Variants in POLRMT observed in about 807,000 individuals in gnomAD.
The protein encoded by POLRMT is DNA-directed RNA polymerase, mitochondrial.
Under a neutral mutation model 132.2 loss-of-function variants are expected in POLRMT, and 114 were observed. The ratio of observed to expected loss-of-function variants is 0.86; its 90% CI spans 0.74 to 1.01. POLRMT has a LOEUF of 1.01. Among genes scored for constraint, POLRMT ranks in the 50% least tolerant of loss-of-function variants. The probability of loss-of-function intolerance (pLI) is 0.00; values close to 1 mark genes in which losing one functional copy is unlikely to be tolerated. For synonymous variants in POLRMT, 1,020 were observed against 773.4 expected (o/e 1.32, Z -5.29); for missense variants, 2,003 against 1,729.1 (o/e 1.16, Z -2.81).
At chr19:625,627 ACTTG>A (rs976144079) in intron 3 of POLRMT, 1 of 181,362 alleles carries the variant, frequency 5.5e-6, no homozygotes, top group African/African-American at 2.4e-5. Flanking sequence ...CCTCTCATCT[ACTTG>A]CTTTAGGTTT....
At position 619,099 on chromosome 19, in the gene POLRMT, G is replaced by A. The variant is rs149476145; in HGVS notation, c.3165C>T (p.Thr1055=). 11,155 of 1,611,270 alleles carry A rather than the reference G, an allele frequency of 6.9e-3. 52 individuals are homozygous for A. The highest frequency in any genetic ancestry group is 8.2e-3 in the Non-Finnish European group (9,611 of 1,179,182). ...TGTGGGAGATGAGGCGGGCACTCTC[G>A]GTCAGCCAGTGCTGTGGGACACAGG... ...SGTRAIQHWL[T]ESARLISHMG... The change falls in exon 15 of 21, where the codon ACC becomes ACT. Residue 1055 remains threonine (T), a synonymous_variant. Coordinates refer to ENST00000588649, the MANE Select transcript of POLRMT (RefSeq NM_005035.4).
rs146930407 is a variant in POLRMT, at chr19:631,001, T to C, written c.194-833A>G. Among the ~76,000 whole-genome samples, 475 of 151,606 alleles carry C rather than the reference T, an allele frequency of 3.1e-3. 19 individuals are homozygous for C. The East Asian group carries it at 0.082, about 26-fold the overall frequency. ...GGTGAAACCCCGTCTCTATTAGAAA[T>C]CCAAAAAATTAGCTGGGCGTGGTGG... On this transcript the variant is annotated intron_variant, in intron 2 of 20. Transcript: ENST00000588649.
In POLRMT at chr19:621,422, C is replaced by T. The variant is rs61743194; in HGVS notation, c.2276G>A (p.Arg759His). 3.4e-5 allele frequency: 51 copies of T among 1,485,760 alleles called. No homozygotes were observed. In the African/African-American group the frequency reaches 6.0e-4, roughly 17 times the overall value. 92.0% of individuals were successfully genotyped at this position (1,485,760 alleles called of 1,614,324 possible). The change falls in exon 10 of 21, where the codon CGC (arginine) becomes CAC (histidine). Residue 759 changes from arginine (R) to histidine (H), a missense_variant. Coordinates refer to ENST00000588649, the MANE Select transcript of POLRMT (RefSeq NM_005035.4). ...SAAPARKAEL[R>H]RELAHCQKVA... ...CTTCTGGCAGTGCGCCAGCTCACGG[C>T]GCAGCTCGGCCTTGCGGGCGGGCGC...
chr19:630,009 G>A lies in POLRMT; in HGVS notation c.353C>T (p.Pro118Leu), dbSNP rs1345102851. 6.2e-7 allele frequency: 1 copy of A among 1,613,798 alleles called. No homozygotes were observed. The highest frequency in any genetic ancestry group is 8.5e-7 in the Non-Finnish European group (1 of 1,180,026). The part of the protein sequence containing the change: ...QMGAKDATPV[P>L]CGRWAKILEK... ...CAGTATCTTTGCCCAGCGGCCACAG[G>A]GCACCGGGGTGGCATCCTTGGCCCC... Residue 118 changes from proline to leucine, a missense_variant, in exon 3 of 21, where the codon CCC becomes CTC. Pro to Leu is a moderately conservative substitution (Grantham distance 98). Transcript: ENST00000588649.
chr19:633,492 GC>G lies in POLRMT; in HGVS notation c.20del (p.Gly7AlafsTer77). The G allele has an allele frequency of 6.7e-7, 1 of 1,501,210 alleles. No homozygotes were observed. The highest frequency in any genetic ancestry group is 9.0e-7 in the Non-Finnish European group (1 of 1,113,032). 93.0% of individuals were successfully genotyped at this position (1,501,210 alleles called of 1,614,324 possible). ...CTCGTTTGAGCCCCGCCGCTCCGCG[GC>G]CCCAGCAAAGTGCCGACATTACGCA... Reference protein sequence around the residue: MSALCWGRGAAGLKRAL... With the variant: MSALCWXRGAAGLKRAL... On this transcript the variant is annotated frameshift_variant, in exon 1 of 21. Transcript: ENST00000588649. LOFTEE classifies it high-confidence loss of function.
chr19:628,672 G>T (rs1985195936), intron 3 of POLRMT, among the ~76,000 whole-genome samples: 1 of 152,136 alleles, frequency 6.6e-6, no homozygotes, highest in African/African-American at 2.4e-5. Context: ...CTTTGAAAGG[G>T]TGTGTAAACA....
intron 2 of POLRMT, 104 bp from the exon 3 acceptor site, chr19:630,272 C>T (rs1985321541): frequency 5.9e-6 from 8 of 1,358,186 alleles, no homozygotes; most frequent in Admixed American, 2.4e-5. Flanking sequence ...TGGCTGAGCT[C>T]GCTGGGACCC....
rs1480084381 is a variant in POLRMT at position 632,910 on chromosome 19, C to T, written c.117G>A (p.Arg39=). The change falls in exon 2 of 21, where the codon AGG becomes AGA. Residue 39 remains arginine, a synonymous_variant. Transcript: ENST00000588649. ...CCTGGGGGCTGGCGGACGAGCTCCT[C>T]CTGGGGCCGCAGACGCCACCGGCGG... ...EGTAGGVCGP[R]RSSSASPQEQ... The T allele has an allele frequency of 3.1e-5, 48 of 1,531,898 alleles. No homozygotes were observed. Among genetic ancestry groups the T allele is most frequent in the Non-Finnish European group, 3.8e-5 (44 of 1,144,560 alleles). The allele number at this position is 1,531,898 out of a possible 1,614,324, so 94.9% of individuals were successfully genotyped here.
chr19:630,923 C>T (rs558523960), intron 2 of POLRMT, among the ~76,000 whole-genome samples: 9 of 152,200 alleles, frequency 5.9e-5, no homozygotes, highest in Middle Eastern at 3.4e-3. Flanking sequence ...TTTGGGAGGC[C>T]GAGGCAGGAA....
chr19:626,696 C>CAAAAAAAAAAAAAAAAAAAAAAAAA (rs59746130), intron 3 of POLRMT, among the ~76,000 whole-genome samples: 1 of 105,046 alleles, frequency 9.5e-6, no homozygotes, highest in African/African-American at 4.3e-5. Context: ...ACTAAAAATA[C>CAAAAAAAAAAAAAAAAAAAAAAAAA]AAAAAAAAAA....
chr19:621,102 C>A lies in POLRMT; in HGVS notation c.2596G>T (p.Glu866Ter). 6 of 1,608,656 alleles carry A rather than the reference C, an allele frequency of 3.7e-6. No homozygotes were observed. The highest frequency in any genetic ancestry group is 5.1e-6 in the Non-Finnish European group (6 of 1,178,260). Residue 866 changes from glutamate to a stop codon, truncating the protein, a stop_gained, in exon 10 of 21, where the codon GAG becomes TAG. Coordinates refer to ENST00000588649, the MANE Select transcript of POLRMT (RefSeq NM_005035.4). LOFTEE classifies it high-confidence loss of function. ...GAGTCCAGGATGTCATCCATCACCT[C>A]CTCCGCAAAGGCCAGGCGCTTCCGC... ...PLRKRLAFAE[E>*]VMDDILDSAD...
At position 633,370 on chromosome 19, in the gene POLRMT, G is replaced by A. The variant is rs776558338; in HGVS notation, c.88+55C>T. The A allele has an allele frequency of 7.0e-6, 10 of 1,435,004 alleles. No individual in the cohort carries two copies. In the South Asian group the frequency reaches 1.4e-4, roughly 20 times the overall value. The allele number at this position is 1,435,004 out of a possible 1,614,324, so 88.9% of individuals were successfully genotyped here. On this transcript the variant is annotated intron_variant, in intron 1 of 20. Transcript: ENST00000588649. ...AAGCGCCAAAGGCCCCGGCCGCGCGGGGAGGAGCCCACGCCGTGGCCCCCG... is the reference window on the plus strand; with the variant it reads ...AAGCGCCAAAGGCCCCGGCCGCGCGAGGAGGAGCCCACGCCGTGGCCCCCG...
chr19:626,152 T>G (rs746106029), intron 3 of POLRMT, among the ~76,000 whole-genome samples: 34 of 151,904 alleles, frequency 2.2e-4, no homozygotes, highest in Non-Finnish European at 1.8e-4. Context: ...TTTGGAAATT[T>G]TATTTAATTA....
intron 3 of POLRMT, among the ~76,000 whole-genome samples, chr19:627,148 A>ATTTTT (rs869110035): frequency 2.5e-5 from 3 of 119,770 alleles, no homozygotes; most frequent in Admixed American, 8.8e-5. Context: ...GTTTTGGGGC[A>ATTTTT]TTTTTTTTTT....
chr19:622,517 C>A, intron 8 of POLRMT, 65 bp downstream of exon 8: 1 of 1,513,760 alleles, frequency 6.6e-7, no homozygotes, highest in Non-Finnish European at 8.9e-7. Context: ...CCCGGCTGCT[C>A]CAGGGAGGGA....
rs541121674 is a variant in POLRMT, at chr19:626,358, T to G, written c.823-1104A>C. 2.8e-3 allele frequency among the ~76,000 whole-genome samples: 420 copies of G among 151,444 alleles called. 1 individual carries two copies. The highest frequency in any genetic ancestry group is 9.8e-3 in the African/African-American group (406 of 41,316). On this transcript the variant is annotated intron_variant, in intron 3 of 20. Transcript: ENST00000588649. ...TAGTAGAGATGGGGTTTCGCCCTGT[T>G]GGCCAGGCTGGTCTCCAACTCCTGA...
At chr19:628,152 G>A (rs1329416896) in intron 3 of POLRMT, among the ~76,000 whole-genome samples, 2 of 152,184 alleles carry the variant, frequency 1.3e-5, no homozygotes, top group African/African-American at 2.4e-5. Context: ...AGCCTCTGGA[G>A]AGACTTCGGG....
chr19:632,891 G>A lies in POLRMT; in HGVS notation c.136C>T (p.Pro46Ser). The stretch of plus-strand genomic sequence containing the variant: ...CTGCGGTCTTGGTCTTGCTCCTGGG[G>A]GCTGGCGGACGAGCTCCTCCTGGGG... ...CGPRRSSSAS[P>S]QEQDQDRRKD... Residue 46 changes from proline to serine, a missense_variant, in exon 2 of 21, where the codon CCC (proline) becomes TCC (serine). Transcript: ENST00000588649. The A allele has an allele frequency of 1.3e-6, 2 of 1,546,102 alleles. No individual in the cohort carries two copies. The highest frequency in any genetic ancestry group is 1.2e-5 in the South Asian group (1 of 84,808).
chr19:625,125 T>C lies in POLRMT; in HGVS notation c.952A>G (p.Arg318Gly). Residue 318 changes from arginine (R) to glycine (G), a missense_variant and splice_region_variant, in exon 4 of 21, where the codon AGG (arginine) becomes GGG (glycine). Arg to Gly is a moderately radical substitution (Grantham distance 125, BLOSUM62 -2). Coordinates refer to ENST00000588649, the MANE Select transcript of POLRMT (RefSeq NM_005035.4). The part of the protein sequence containing the change: ...RQDQDAGTIE[R>G]CLEQMSQEGL... ...GGGGGCCCTCCCGACACCACCTACC[T>C]TTCGATGGTCCCGGCGTCCTGGTCC... is the stretch of plus-strand genomic sequence containing the variant. 6.2e-7 allele frequency: 1 copy of C among 1,612,258 alleles called. No homozygotes were observed. Among genetic ancestry groups the C allele is most frequent in the Non-Finnish European group, 8.5e-7 (1 of 1,179,328 alleles).
Sources: gnomAD v4.1 joint callset for allele counts (sites outside exome capture counted in the v4.1 genomes callset) on GRCh38, gnomAD v4.1.1 for gene constraint, MANE v1.5 for transcripts, NCBI Gene and HGNC (gene_info 2026-07-23, HGNC 2026-07-21) for gene names.